The following SHANK2 variants were observed in gnomAD, a reference collection of about 807,000 sequenced individuals.
The protein encoded by SHANK2 is SH3 and multiple ankyrin repeat domains protein 2.
Under a neutral mutation model 133.7 loss-of-function variants are expected in SHANK2, and 43 were observed. The observed-to-expected ratio is 0.32, with a 90% confidence interval of 0.25 to 0.41. The LOEUF (loss-of-function observed/expected upper bound fraction) is 0.41, where lower values mean the gene tolerates loss of function less well. SHANK2 is among the 10% of genes least tolerant of loss of function. The pLI is 1.00. For missense variants in SHANK2, 1,994 were observed against 2,235.8 expected (o/e 0.89, Z 2.18); for synonymous variants, 1,017 against 952.8 (o/e 1.07, Z -1.24).
chr11:70,548,911 A>C (rs782235621), intron 17 of SHANK2, among the ~76,000 whole-genome samples: 7 of 152,100 alleles, frequency 4.6e-5, no homozygotes, highest in Non-Finnish European at 7.4e-5. Flanking sequence ...GCTGCAAGCC[A>C]AGGGGTGCTA....
intron 17 of SHANK2, among the ~76,000 whole-genome samples, chr11:70,525,594 G>A (rs576895033): frequency 1.1e-4 from 16 of 152,144 alleles, no homozygotes; most frequent in Non-Finnish European, 2.1e-4. Context: ...GAAATGCCAG[G>A]GTTGGCAGCA....
intron 10 of SHANK2, chr11:70,908,230 T>G (rs1555078352): frequency 5.9e-6 from 1 of 168,714 alleles, no homozygotes; most frequent in African/African-American, 2.4e-5. Flanking sequence ...GGACTGCCAC[T>G]CTGGACTCCC....
chr11:70,534,688 G>C (rs1554973862), intron 17 of SHANK2, among the ~76,000 whole-genome samples: 1 of 152,196 alleles, frequency 6.6e-6, no homozygotes, highest in African/African-American at 2.4e-5. Flanking sequence ...GACTGCTGGG[G>C]AGTCCAAACT....
At chr11:70,768,107 C>G (rs187876619) in intron 14 of SHANK2, among the ~76,000 whole-genome samples, 61 of 152,240 alleles carry the variant, frequency 4.0e-4, no homozygotes, top group African/African-American at 1.4e-3. Context: ...AGCCTGTTTC[C>G]TTCTCTGTAA....
chr11:71,097,030 G>T (rs782135332), intron 6 of SHANK2, among the ~76,000 whole-genome samples: 1 of 152,318 alleles, frequency 6.6e-6, no homozygotes, highest in African/African-American at 2.4e-5. Flanking sequence ...ATCCCACTCT[G>T]TTCATGGCTG....
At chr11:71,097,916 A>T (rs1340450792) in intron 6 of SHANK2, among the ~76,000 whole-genome samples, 1 of 143,266 alleles carries the variant, frequency 7.0e-6, no homozygotes, top group African/African-American at 2.6e-5. Context: ...ATGCACACCT[A>T]TGTGTGCATG....
At chr11:70,790,753 TCAAA>T (rs1336193251) in intron 14 of SHANK2, among the ~76,000 whole-genome samples, 1 of 152,184 alleles carries the variant, frequency 6.6e-6, no homozygotes, top group East Asian at 1.9e-4. Context: ...GAATCTTGAC[TCAAA>T]CAGTCACCAG....
In SHANK2 at chr11:70,487,307, C is replaced by T. The variant is rs782082943; in HGVS notation, c.2986G>A (p.Ala996Thr). 24 of 1,614,082 alleles carry T rather than the reference C, an allele frequency of 1.5e-5. No individual in the cohort carries two copies. Among genetic ancestry groups the T allele is most frequent in the East Asian group, 1.1e-4 (5 of 44,880 alleles). ...ENPYSEVGKI[A>T]SKAVYVPAKP... ...GCGGGGACGTAGACGGCTTTGCTGG[C>T]GATCTTCCCCACCTCTGAGTATGGG... Residue 996 changes from alanine to threonine, a missense_variant, in exon 25 of 26, where the codon GCC becomes ACC. Physicochemically the swap from Ala to Thr is moderately conservative, Grantham distance 58. Coordinates refer to ENST00000601538, the MANE Select transcript of SHANK2 (RefSeq NM_012309.5). This position sits in a 1 kb window ranked among gnomAD's most constrained non-coding sequence, Gnocchi z 5.8.
rs1946475112 is a variant in SHANK2 at position 70,739,395 on chromosome 11, G to A, written c.1778-40632C>T. Among the ~76,000 whole-genome samples the A allele has an allele frequency of 6.6e-6, 1 of 152,198 alleles. No individual in the cohort carries two copies. The highest frequency in any genetic ancestry group is 1.5e-5 in the Non-Finnish European group (1 of 68,036). ...AAGACAATCGTGTGGAGCAGCTGCT[G>A]CGGTGAGGCCAGGCACAGACTCCAG... On this transcript the variant is annotated intron_variant, in intron 14 of 25. Transcript: ENST00000601538. This position sits in a 1 kb window ranked among gnomAD's most constrained non-coding sequence, Gnocchi z 4.3.
intron 14 of SHANK2, among the ~76,000 whole-genome samples, chr11:70,702,233 C>T (rs1395015522): frequency 6.6e-6 from 1 of 151,716 alleles, no homozygotes. Context: ...TTACCACCAC[C>T]AGCGCATTCT....
chr11:70,808,561 C>CAA (rs57089863), intron 12 of SHANK2, among the ~76,000 whole-genome samples: 2,363 of 92,740 alleles, frequency 0.025, 96 homozygotes, highest in Admixed American at 0.087. Flanking sequence ...CCTATTTCTA[C>CAA]AAAAAAAAAA....
In SHANK2 at chr11:71,056,108, C is replaced by T. The variant is rs1045224454; in HGVS notation, c.1107+373G>A. ...CATGGGGGTGCCAATGGAAGGCAAG[C>T]CCCCTCCTGTGTGATCCTCAGGAAG... On this transcript the variant is annotated intron_variant, in intron 10 of 25. Coordinates refer to ENST00000601538, the MANE Select transcript of SHANK2 (RefSeq NM_012309.5). 1.5e-4 allele frequency among the ~76,000 whole-genome samples: 23 copies of T among 152,280 alleles called. No homozygotes were observed. In the East Asian group the frequency reaches 3.1e-3, roughly 20 times the overall value.
chr11:71,137,228 GAAAA>G (rs1204284431), intron 3 of SHANK2, among the ~76,000 whole-genome samples: 2 of 124,736 alleles, frequency 1.6e-5, no homozygotes, highest in South Asian at 5.4e-4. Context: ...AAAACTTTTT[GAAAA>G]AAAGAAAGTT....
At chr11:71,138,986 CG>C (rs1565473636) in intron 3 of SHANK2, among the ~76,000 whole-genome samples, 5 of 151,834 alleles carry the variant, frequency 3.3e-5, no homozygotes, top group Non-Finnish European at 7.4e-5. Flanking sequence ...ACTGTACAGG[CG>C]GGGAGAGAGG....
chr11:71,139,229 C>A (rs1555105338), intron 3 of SHANK2, among the ~76,000 whole-genome samples: 1 of 152,082 alleles, frequency 6.6e-6, no homozygotes, highest in African/African-American at 2.4e-5. Context: ...CGGTGCCAGG[C>A]CTCAGGGAGA....
intron 17 of SHANK2, among the ~76,000 whole-genome samples, chr11:70,595,283 C>T (rs782126236): frequency 3.3e-5 from 5 of 152,348 alleles, no homozygotes; most frequent in African/African-American, 1.2e-4. Flanking sequence ...CTCAGGAAGC[C>T]CCGGTGCCAG....
intron 3 of SHANK2, among the ~76,000 whole-genome samples, chr11:71,128,706 C>T (rs1189743893): frequency 6.6e-6 from 1 of 152,218 alleles, no homozygotes; most frequent in Non-Finnish European, 1.5e-5. Flanking sequence ...ATCTCTCTCT[C>T]CCCCGACATC....
chr11:70,554,565 G>T (rs2059806098), intron 17 of SHANK2, among the ~76,000 whole-genome samples: 1 of 151,948 alleles, frequency 6.6e-6, no homozygotes, highest in Admixed American at 6.6e-5. Context: ...CCTCCCCCAG[G>T]TTCCTCTGTT....
At chr11:70,742,589 C>T (rs1051994919) in intron 14 of SHANK2, among the ~76,000 whole-genome samples, 3 of 152,324 alleles carry the variant, frequency 2.0e-5, no homozygotes, top group African/African-American at 7.2e-5. Context: ...ACGCCACCCC[C>T]CACCCGGCTC....
Sources: gnomAD v4.1 joint callset for allele counts (sites outside exome capture counted in the v4.1 genomes callset) on GRCh38, gnomAD v4.1.1 for gene constraint, Gnocchi (gnomAD v3.1) non-coding constraint, MANE v1.5 for transcripts, NCBI Gene and HGNC (gene_info 2026-07-23, HGNC 2026-07-21) for gene names.